Variants in RTL4 observed in about 807,000 individuals in gnomAD.
The protein encoded by RTL4 is retrotransposon Gag-like protein 4.
In RTL4, 4 loss-of-function variants were observed where a neutral mutation model predicts 5.3. That is an observed-to-expected ratio of 0.75 (90% CI 0.37 to 1.72). The LOEUF (loss-of-function observed/expected upper bound fraction) is 1.72, where lower values mean the gene tolerates loss of function less well. Ranked by LOEUF, RTL4 falls within the 40% of genes most tolerant of loss-of-function variation. The pLI is 0.04. For synonymous variants in RTL4, 98 were observed against 87.3 expected, an observed-to-expected ratio of 1.12 and a Z score of -0.68; for missense variants, 260 against 227.1, an observed-to-expected ratio of 1.14 and a Z score of -0.93.
At chrX:112,174,769 C>A in the RTL4 span, among the ~76,000 whole-genome samples, 159 of 98,731 alleles carry the variant, frequency 1.6e-3, no homozygotes, top group African/African-American at 5.3e-3. Flanking sequence ...TTAATGATTG[C>A]CATTCTAACT....
the RTL4 span, among the ~76,000 whole-genome samples, chrX:112,220,957 A>T: frequency 8.9e-6 from 1 of 112,317 alleles, no homozygotes; most frequent in South Asian, 3.7e-4. Flanking sequence ...CCTGTTATCC[A>T]GTTCCAAAGT....
At chrX:112,450,863 G>A (rs1323709849), upstream of RTL4, among the ~76,000 whole-genome samples, 2 of 112,029 alleles carry the variant, frequency 1.8e-5, no homozygotes, top group Admixed American at 1.9e-4. Context: ...AAAGGTCCGT[G>A]TAATCTCTTA....
chrX:112,290,883 A>C, the RTL4 span, among the ~76,000 whole-genome samples: 1 of 112,211 alleles, frequency 8.9e-6, no homozygotes. Context: ...GGGAGAAGGA[A>C]GCTGAGATTC....
the RTL4 span, among the ~76,000 whole-genome samples, chrX:112,392,063 G>T: frequency 8.9e-6 from 1 of 111,887 alleles, no homozygotes; most frequent in Non-Finnish European, 1.9e-5. Flanking sequence ...TCCTCTCCTT[G>T]GGTTGACAGT....
the RTL4 span, among the ~76,000 whole-genome samples, chrX:112,089,163 A>G: frequency 1.8e-5 from 2 of 110,324 alleles, no homozygotes; most frequent in Non-Finnish European, 3.8e-5. Context: ...CACAATGTGC[A>G]GGTTAGTTAC....
the RTL4 span, among the ~76,000 whole-genome samples, chrX:112,434,872 A>G: frequency 9.0e-6 from 1 of 111,449 alleles, no homozygotes; most frequent in South Asian, 3.8e-4. Context: ...GAAACTGGGT[A>G]ATTTATAAAG....
At chrX:112,180,873 A>T in the RTL4 span, among the ~76,000 whole-genome samples, 1 of 112,240 alleles carries the variant, frequency 8.9e-6, no homozygotes, top group South Asian at 3.7e-4. Context: ...TCAGAAATTT[A>T]ATTAGGATGG....
the RTL4 span, among the ~76,000 whole-genome samples, chrX:112,328,864 C>G: frequency 8.9e-6 from 1 of 112,049 alleles, no homozygotes; most frequent in Non-Finnish European, 1.9e-5. Context: ...TCACTCAAAA[C>G]TGCTCAACTA....
At chrX:112,394,907 C>T in the RTL4 span, among the ~76,000 whole-genome samples, 1 of 111,752 alleles carries the variant, frequency 8.9e-6, no homozygotes, top group African/African-American at 3.3e-5. Context: ...CTATTGCTAC[C>T]TTAATACTTT....
At chrX:112,401,279 C>T in the RTL4 span, among the ~76,000 whole-genome samples, 1 of 110,982 alleles carries the variant, frequency 9.0e-6, no homozygotes, top group Non-Finnish European at 1.9e-5. Flanking sequence ...CCTTCCTCCA[C>T]TCACCCCATA....
chrX:112,294,995 C>A, the RTL4 span, among the ~76,000 whole-genome samples: 3 of 112,431 alleles, frequency 2.7e-5, no homozygotes, highest in Admixed American at 9.4e-5. Flanking sequence ...AATATTGCTA[C>A]AAATGCATTT....
chrX:112,275,228 G>A, the RTL4 span, among the ~76,000 whole-genome samples: 1 of 107,944 alleles, frequency 9.3e-6, no homozygotes. Flanking sequence ...TGAGAGCGGG[G>A]TAAAGAAAAT....
chrX:112,299,579 A>G, the RTL4 span, among the ~76,000 whole-genome samples: 4 of 112,065 alleles, frequency 3.6e-5, no homozygotes, highest in South Asian at 1.5e-3. Context: ...TTCAGAGAAC[A>G]CAGCTGAGAA....
At chrX:112,249,786 T>TAGAG in the RTL4 span, among the ~76,000 whole-genome samples, 167 of 90,870 alleles carry the variant, frequency 1.8e-3, no homozygotes, top group Non-Finnish European at 2.9e-3. Context: ...ATTATATATA[T>TAGAG]ATATATAGAG....
chrX:112,253,173 A>G, the RTL4 span, among the ~76,000 whole-genome samples: 1 of 111,663 alleles, frequency 9.0e-6, no homozygotes, highest in Non-Finnish European at 1.9e-5. Flanking sequence ...TGCACCTGTC[A>G]CATGTCTAGG....
the RTL4 span, among the ~76,000 whole-genome samples, chrX:112,398,396 CT>C: frequency 4.8e-3 from 346 of 72,118 alleles, no homozygotes; most frequent in African/African-American, 0.018. Flanking sequence ...TTCTTTCTTT[CT>C]TTTTTTTTTT....
the RTL4 span, among the ~76,000 whole-genome samples, chrX:112,145,935 T>C: frequency 8.9e-6 from 1 of 112,169 alleles, no homozygotes; most frequent in Non-Finnish European, 1.9e-5. Context: ...TAGGCTGTGC[T>C]AAAGAGTTTG....
chrX:112,171,538 T>G, the RTL4 span, among the ~76,000 whole-genome samples: 1 of 111,857 alleles, frequency 8.9e-6, no homozygotes, highest in African/African-American at 3.3e-5. Flanking sequence ...CTAGTTTATA[T>G]GCACAGAGCT....
At chrX:112,141,678 G>C in the RTL4 span, among the ~76,000 whole-genome samples, 1 of 110,999 alleles carries the variant, frequency 9.0e-6, no homozygotes, top group East Asian at 2.8e-4. Context: ...ATGTGGTCTA[G>C]AGATATCTCG....
Sources: allele counts gnomAD v4.1 joint callset (sites outside exome capture counted in the v4.1 genomes callset), GRCh38; gene constraint gnomAD v4.1.1; transcripts MANE v1.5; gene names NCBI Gene and HGNC (gene_info 2026-07-23, HGNC 2026-07-21).